RERGL: variants seen among roughly 807,000 people sequenced by gnomAD.
RERGL encodes ras-related and estrogen-regulated growth inhibitor-like protein.
In RERGL, 22 loss-of-function variants were observed where a neutral mutation model predicts 24.7. The ratio of observed to expected loss-of-function variants is 0.89; its 90% CI spans 0.64 to 1.27. RERGL has a LOEUF of 1.27. Ranked by LOEUF, RERGL falls within the 50% of genes most tolerant of loss-of-function variation. The pLI, the probability that RERGL is intolerant of heterozygous loss-of-function variation, is 0.00. For synonymous variants in RERGL, 76 were observed against 82.6 expected (o/e 0.92, Z 0.43); for missense variants, 259 against 235.3 (o/e 1.10, Z -0.66).
chr12:18,084,932 T>C (rs1221987600), intron 3 of RERGL, among the ~76,000 whole-genome samples: 6 of 152,162 alleles, frequency 3.9e-5, no homozygotes, highest in Non-Finnish European at 7.4e-5. Flanking sequence ...TTTCAGAAAA[T>C]TTGATGAGCT....
At chr12:18,081,870 G>A (rs1446243845) in intron 4 of RERGL, among the ~76,000 whole-genome samples, 5 of 152,208 alleles carry the variant, frequency 3.3e-5, no homozygotes, top group Non-Finnish European at 7.3e-5. Context: ...GCTGGGTGCG[G>A]TGGCTCACGC....
intron 2 of RERGL, 23 bp from the exon 3 acceptor site, chr12:18,085,716 TGTCA>T: frequency 7.2e-7 from 1 of 1,385,770 alleles, no homozygotes; most frequent in Non-Finnish European, 1.0e-6. Flanking sequence ...GCATATCCAC[TGTCA>T]GTATGAAAAT....
intron 1 of RERGL, chr12:18,089,170 C>T (rs1222237426): frequency 7.0e-7 from 1 of 1,429,264 alleles, no homozygotes; most frequent in Non-Finnish European, 9.7e-7. Context: ...TCTTAAAGTG[C>T]TTCACATCTA....
chr12:18,084,689 A>G lies in RERGL; in HGVS notation c.184-24T>C, dbSNP rs531066221. The G allele has an allele frequency of 1.8e-4, 291 of 1,602,684 alleles. 6 individuals are homozygous for G. The South Asian group carries it at 3.1e-3, about 17-fold the overall frequency. ...GTCTGAAAATAAACCAAGTGCATTA[A>G]AAGTGGTGGGATCTAATACCTGTGT... On this transcript the variant is annotated intron_variant, in intron 3 of 4. Transcript: ENST00000538724.
chr12:18,084,769 C>A, intron 3 of RERGL, 104 bp from the exon 4 acceptor site: 5 of 835,612 alleles, frequency 6.0e-6, no homozygotes, highest in Middle Eastern at 2.3e-4. Flanking sequence ...GAAGATACAT[C>A]AATGTGTTAA....
Position 18,088,883 on chromosome 12 carries a change from C to A in RERGL, c.109+17G>T. The A allele has an allele frequency of 6.6e-7, 1 of 1,525,360 alleles. No homozygotes were observed. 94.5% of individuals were successfully genotyped at this position (1,525,360 alleles called of 1,614,324 possible). On this transcript the variant is annotated intron_variant, in intron 2 of 4. Transcript: ENST00000538724. ...GTTAAAAGTTTTAAGGTAAAAATGT[C>A]TAGAGTAGTGACTTACCAAAATTAG...
chr12:18,086,439 A>C (rs1565487117), intron 2 of RERGL, among the ~76,000 whole-genome samples: 1 of 152,112 alleles, frequency 6.6e-6, no homozygotes, highest in African/African-American at 2.4e-5. Context: ...AATTTCTTCT[A>C]ACTTAAATGT....
Position 18,081,079 on chromosome 12 carries a change from C to A in RERGL, c.*112G>T. 1 of 972,298 alleles carries A rather than the reference C, an allele frequency of 1.0e-6. No individual in the cohort carries two copies. The highest frequency in any genetic ancestry group is 1.8e-5 in the South Asian group (1 of 56,192). 60.2% of individuals were successfully genotyped at this position (972,298 alleles called of 1,614,324 possible). A position where few individuals can be genotyped will look rare whatever the true frequency, so the allele number is the denominator to read the frequency against. On this transcript the variant is annotated 3_prime_UTR_variant, in exon 5 of 5. Coordinates refer to ENST00000538724, the MANE Select transcript of RERGL (RefSeq NM_001286201.2). ...TGGTTCATACTCAATCATTTCATAT[C>A]TCCAAGAGAATTCTTTTTACCAAAA...
chr12:18,084,714 T>G (rs766994299), intron 3 of RERGL, 49 bp from the exon 4 acceptor site: 1 of 1,533,918 alleles, frequency 6.5e-7, no homozygotes, highest in African/African-American at 1.4e-5. Flanking sequence ...AATACCTGTG[T>G]TTTTATACTT....
In RERGL at chr12:18,081,220, C is replaced by T; in HGVS notation, c.586G>A (p.Val196Ile). 6.2e-7 allele frequency: 1 copy of T among 1,607,702 alleles called. No homozygotes were observed. Among genetic ancestry groups the T allele is most frequent in the Non-Finnish European group, 8.5e-7 (1 of 1,177,286 alleles). ...ACAGATTTCCTTCTCTTTCCAAATA[C>T]ATTATTGATCAATTTGGCCATTGAT... Reference protein sequence around the residue: ...SKSMAKLINNVFGKRRKSV With the variant: ...SKSMAKLINNIFGKRRKSV Residue 196 changes from valine to isoleucine, a missense_variant, in exon 5 of 5, where the codon GTA (valine) becomes ATA (isoleucine). Coordinates refer to ENST00000538724, the MANE Select transcript of RERGL (RefSeq NM_001286201.2).
At chr12:18,081,526 T>TAAA (rs200679100) in intron 4 of RERGL, 53 bp from the exon 5 acceptor site, 199 of 1,010,444 alleles carry the variant, frequency 2.0e-4, no homozygotes, top group South Asian at 3.9e-4. Context: ...ACTCTTTTTT[T>TAAA]TAAAAAAAAA....
At chr12:18,089,443 C>T in intron 1 of RERGL, 1 of 1,221,182 alleles carries the variant, frequency 8.2e-7, no homozygotes, top group Non-Finnish European at 1.1e-6. Flanking sequence ...TGTCACAGCT[C>T]CTGGGTTTGG....
In RERGL at chr12:18,081,107, A is replaced by G; in HGVS notation, c.*84T>C. On this transcript the variant is annotated 3_prime_UTR_variant, in exon 5 of 5. Coordinates refer to ENST00000538724, the MANE Select transcript of RERGL (RefSeq NM_001286201.2). ...CAAGAGAATTCTTTTTACCAAAAAA[A>G]AATTGCATACAAAGGTTAGTTTAAT... 1 of 1,271,566 alleles carries G rather than the reference A, an allele frequency of 7.9e-7. No individual in the cohort carries two copies. Among genetic ancestry groups the G allele is most frequent in the Non-Finnish European group, 1.1e-6 (1 of 931,122 alleles). The allele number at this position is 1,271,566 out of a possible 1,614,324, so 78.8% of individuals were successfully genotyped here.
At chr12:18,088,149 G>A (rs1379929366) in intron 2 of RERGL, among the ~76,000 whole-genome samples, 1 of 151,730 alleles carries the variant, frequency 6.6e-6, no homozygotes, top group Non-Finnish European at 1.5e-5. Flanking sequence ...TGTATTTTCT[G>A]TAATCTGCCA....
intron 4 of RERGL, among the ~76,000 whole-genome samples, chr12:18,082,935 A>G (rs914059005): frequency 1.3e-5 from 2 of 152,270 alleles, no homozygotes; most frequent in Middle Eastern, 3.4e-3. Flanking sequence ...GAGTTGAAGA[A>G]TATATTAAAA....
At chr12:18,081,518 T>A (rs368258237) in intron 4 of RERGL, 45 bp from the exon 5 acceptor site, 1,530 of 1,092,522 alleles carry the variant, frequency 1.4e-3, no homozygotes, top group Non-Finnish European at 1.8e-3. Flanking sequence ...TTTTAACAAC[T>A]CTTTTTTTTA....
At position 18,084,413 on chromosome 12, in the gene RERGL, T is replaced by TA. The variant is rs1483951859; in HGVS notation, c.332+103dup. 2.1e-5 allele frequency: 24 copies of TA among 1,131,894 alleles called. No individual in the cohort carries two copies. In the South Asian group the frequency reaches 3.7e-4, roughly 18 times the overall value. 70.1% of individuals were successfully genotyped at this position (1,131,894 alleles called of 1,614,324 possible). ...AGGAAGGTGAATTGTTCAGGGCTGT[T>TA]AAATTTTGTAATTGGAAGGCTGTAT... is the stretch of plus-strand genomic sequence containing the variant. On this transcript the variant is annotated intron_variant, in intron 4 of 4. Transcript: ENST00000538724.
At chr12:18,083,653 CT>C (rs1947193090) in intron 4 of RERGL, among the ~76,000 whole-genome samples, 1 of 152,076 alleles carries the variant, frequency 6.6e-6, no homozygotes, top group African/African-American at 2.4e-5. Context: ...GGGAAATACA[CT>C]TTATCAATTA....
Position 18,089,343 on chromosome 12 carries a change from A to C in RERGL, c.53-387T>G, listed in dbSNP as rs565973461. The C allele has an allele frequency of 3.3e-6, 5 of 1,495,058 alleles. No individual in the cohort carries two copies. In the Admixed American group the frequency reaches 1.2e-4, roughly 37 times the overall value. The allele number at this position is 1,495,058 out of a possible 1,614,324, so 92.6% of individuals were successfully genotyped here. A position where few individuals can be genotyped will look rare whatever the true frequency, so the allele number is the denominator to read the frequency against. On this transcript the variant is annotated intron_variant, in intron 1 of 4. Coordinates refer to ENST00000538724, the MANE Select transcript of RERGL (RefSeq NM_001286201.2). ...CAAGGTACTATGTGTAATAGTCACA[A>C]AGACACTACCAAGTATTTGCAGTTA...
Sources: allele counts gnomAD v4.1 joint callset (sites outside exome capture counted in the v4.1 genomes callset), GRCh38; gene constraint gnomAD v4.1.1; transcripts MANE v1.5; gene names NCBI Gene and HGNC (gene_info 2026-07-23, HGNC 2026-07-21).